The following TENM4 variants were observed in gnomAD, a reference collection of about 807,000 sequenced individuals.
TENM4 encodes the protein teneurin-4.
In TENM4, 82 loss-of-function variants were observed where a neutral mutation model predicts 243.3. The ratio of observed to expected loss-of-function variants is 0.34; its 90% CI spans 0.28 to 0.40. The LOEUF is 0.40. Among genes scored for constraint, TENM4 ranks in the 10% least tolerant of loss-of-function variants. The pLI is 1.00. For synonymous variants in TENM4, 1,412 were observed against 1,456.3 expected (o/e 0.97, Z 0.69); for missense variants, 3,138 against 3,673.3 (o/e 0.85, Z 3.77).
At chr11:78,758,171 T>G (rs1444525874) in intron 18 of TENM4, among the ~76,000 whole-genome samples, 1 of 152,216 alleles carries the variant, frequency 6.6e-6, no homozygotes, top group Non-Finnish European at 1.5e-5. Context: ...CTGCCTGGGT[T>G]CAAATTCTGG....
intron 1 of TENM4, among the ~76,000 whole-genome samples, chr11:79,437,734 C>T (rs1859306475): frequency 6.6e-6 from 1 of 152,176 alleles, no homozygotes; most frequent in African/African-American, 2.4e-5. Context: ...CAGGTTGCCG[C>T]GGAGTCCCGT....
At chr11:78,937,497 C>A (rs1008028854) in intron 6 of TENM4, among the ~76,000 whole-genome samples, 1 of 152,202 alleles carries the variant, frequency 6.6e-6, no homozygotes, top group Admixed American at 6.5e-5. Flanking sequence ...ATCTCTTCCA[C>A]CTTAACATTT....
intron 6 of TENM4, among the ~76,000 whole-genome samples, chr11:78,994,720 T>C (rs530122858): frequency 6.6e-6 from 1 of 152,286 alleles, no homozygotes; most frequent in Admixed American, 6.5e-5. Flanking sequence ...CTAGGGAAGA[T>C]ACAGACATAA....
chr11:79,024,800 T>C (rs1859032868), intron 6 of TENM4, among the ~76,000 whole-genome samples: 2 of 152,228 alleles, frequency 1.3e-5, no homozygotes, highest in East Asian at 1.9e-4. Context: ...CTGAGAATAC[T>C]ATCCTCATTT....
chr11:78,903,486 C>G lies in TENM4; in HGVS notation c.531G>C (p.Arg177=), dbSNP rs969116021. The G allele has an allele frequency of 6.5e-7, 1 of 1,547,506 alleles. No individual in the cohort carries two copies. Among genetic ancestry groups the G allele is most frequent in the Non-Finnish European group, 8.7e-7 (1 of 1,146,128 alleles). Residue 177 remains arginine, a synonymous_variant, in exon 7 of 34, where the codon CGG becomes CGC. Transcript: ENST00000278550. ...PGGLQNHARL[R]TPPPPLSHAH... is the part of the protein sequence containing the mutation. Reference sequence around the variant, plus strand: ...CGTGCGAGAGCGGCGGCGGCGGCGTCCGGAGCCGCGCGTGGTTCTGCAGGC... The same window carrying G: ...CGTGCGAGAGCGGCGGCGGCGGCGTGCGGAGCCGCGCGTGGTTCTGCAGGC...
chr11:79,065,105 C>T (rs118025488), intron 5 of TENM4, 98 bp from the exon 6 acceptor site: 44,721 of 1,403,194 alleles, frequency 0.032, 792 homozygotes, highest in Non-Finnish European at 0.038. Context: ...GGCTCACTGT[C>T]GTTCTTTGAA....
intron 2 of TENM4, among the ~76,000 whole-genome samples, chr11:79,293,166 T>C (rs1707548063): frequency 6.6e-6 from 1 of 152,222 alleles, no homozygotes; most frequent in Admixed American, 6.5e-5. Flanking sequence ...ATAATCTTTC[T>C]AGTCTAAATA....
In TENM4 at chr11:79,301,400, G is replaced by C. The variant is rs1029265039; in HGVS notation, c.-320-3857C>G. 3.9e-5 allele frequency among the ~76,000 whole-genome samples: 6 copies of C among 152,250 alleles called. No individual in the cohort carries two copies. In the East Asian group the frequency reaches 1.2e-3, roughly 29 times the overall value. ...TGGGTGCTGCTCCCTTGGGCTGAAA[G>C]GTTGTTTGCTTTCCTCTCTGCCTGG... On this transcript the variant is annotated intron_variant, in intron 1 of 33. Coordinates refer to ENST00000278550, the MANE Select transcript of TENM4 (RefSeq NM_001098816.3).
rs1858937431 is a variant in TENM4, at chr11:79,421,782, T to C, written c.-321+18727A>G. Among the ~76,000 whole-genome samples, 3 of 152,062 alleles carry C rather than the reference T, an allele frequency of 2.0e-5. No individual in the cohort carries two copies. The South Asian group carries it at 6.2e-4, about 32-fold the overall frequency. ...GATCTCGATCTACAGTAGGATTCCTTTCAAACCAGGATGTCTATTTCAAAA... is the reference window on the plus strand; with the variant it reads ...GATCTCGATCTACAGTAGGATTCCTCTCAAACCAGGATGTCTATTTCAAAA... On this transcript the variant is annotated intron_variant, in intron 1 of 33. Transcript: ENST00000278550.
At chr11:79,281,799 AC>A (rs1341053805) in intron 2 of TENM4, among the ~76,000 whole-genome samples, 2 of 152,150 alleles carry the variant, frequency 1.3e-5, no homozygotes, top group African/African-American at 4.8e-5. Flanking sequence ...AACCATTAAA[AC>A]CTTTAATGTC....
At chr11:79,331,762 G>T (rs776484871) in intron 1 of TENM4, among the ~76,000 whole-genome samples, 1 of 152,198 alleles carries the variant, frequency 6.6e-6, no homozygotes, top group Non-Finnish European at 1.5e-5. Context: ...CTGCAACCCC[G>T]GGCAGGGGAG....
rs1856183823 is a variant in TENM4 at position 79,283,009 on chromosome 11, C to T, written c.-265+14479G>A. 5.3e-5 allele frequency among the ~76,000 whole-genome samples: 8 copies of T among 152,106 alleles called. No individual in the cohort carries two copies. The South Asian group carries it at 1.7e-3, about 31-fold the overall frequency. On this transcript the variant is annotated intron_variant, in intron 2 of 33. Coordinates refer to ENST00000278550, the MANE Select transcript of TENM4 (RefSeq NM_001098816.3). ...GTTGTTGTTGTTTTTCTGACACAAGCACATGATAAGGCATGACTATTAGCT... is the reference window on the plus strand; with the variant it reads ...GTTGTTGTTGTTTTTCTGACACAAGTACATGATAAGGCATGACTATTAGCT...
At chr11:79,424,710 G>A (rs951844963) in intron 1 of TENM4, among the ~76,000 whole-genome samples, 3 of 151,984 alleles carry the variant, frequency 2.0e-5, no homozygotes, top group Admixed American at 1.3e-4. Context: ...CGAGGCGGGC[G>A]GATCATGAGG....
intron 6 of TENM4, among the ~76,000 whole-genome samples, chr11:78,960,184 T>C (rs1412808351): frequency 6.6e-6 from 1 of 151,822 alleles, no homozygotes; most frequent in African/African-American, 2.4e-5. Context: ...TGTGCATCAT[T>C]TGAAACACAG....
chr11:79,307,319 G>C (rs1191081926), intron 1 of TENM4, among the ~76,000 whole-genome samples: 1 of 151,960 alleles, frequency 6.6e-6, no homozygotes, highest in Non-Finnish European at 1.5e-5. Flanking sequence ...CTCTCCAAAG[G>C]GTCCTCTTCT....
At chr11:79,394,605 T>G (rs545913219) in intron 1 of TENM4, among the ~76,000 whole-genome samples, 2 of 151,744 alleles carry the variant, frequency 1.3e-5, no homozygotes, top group Non-Finnish European at 2.9e-5. Flanking sequence ...CTACTGAGAG[T>G]TGAATCATGT....
intron 6 of TENM4, among the ~76,000 whole-genome samples, chr11:78,930,042 TC>T (rs1444887575): frequency 1.3e-5 from 2 of 152,166 alleles, no homozygotes; most frequent in Non-Finnish European, 2.9e-5. Context: ...AGGATGGGCT[TC>T]TGCAGACTAC....
chr11:79,019,636 C>A (rs113172013), intron 6 of TENM4, among the ~76,000 whole-genome samples: 3 of 152,196 alleles, frequency 2.0e-5, no homozygotes, highest in African/African-American at 7.2e-5. Flanking sequence ...TTATTCATCA[C>A]CCACTATGCA....
At chr11:79,435,271 A>G (rs1439003588) in intron 1 of TENM4, among the ~76,000 whole-genome samples, 2 of 152,246 alleles carry the variant, frequency 1.3e-5, no homozygotes, top group Non-Finnish European at 2.9e-5. Context: ...CCCCGGAAGC[A>G]ATAGGCACAT....
Sources: gnomAD v4.1 joint callset for allele counts (sites outside exome capture counted in the v4.1 genomes callset) on GRCh38, gnomAD v4.1.1 for gene constraint, MANE v1.5 for transcripts, NCBI Gene and HGNC (gene_info 2026-07-23, HGNC 2026-07-21) for gene names.